Variants in SEC16B observed in about 807,000 individuals in gnomAD.
SEC16B encodes the protein SEC16 homolog B, endoplasmic reticulum export factor, also known as protein transport protein Sec16B.
Under a neutral mutation model 141.8 loss-of-function variants are expected in SEC16B, and 115 were observed. That is an observed-to-expected ratio of 0.81 (90% CI 0.70 to 0.95). The LOEUF is 0.95. SEC16B is among the 40% of genes least tolerant of loss of function. The probability of loss-of-function intolerance (pLI) is 0.00; values close to 1 mark genes in which losing one functional copy is unlikely to be tolerated. For synonymous variants in SEC16B, 493 were observed against 492.5 expected (o/e 1.00, Z -0.01); for missense variants, 1,291 against 1,312.3 (o/e 0.98, Z 0.25).
At chr1:177,938,109 T>C (rs978512290) in intron 18 of SEC16B, among the ~76,000 whole-genome samples, 3 of 152,192 alleles carry the variant, frequency 2.0e-5, no homozygotes, top group African/African-American at 4.8e-5. Flanking sequence ...AGATGAGCAA[T>C]GTTAGAACAA....
At chr1:177,969,852 G>C (rs937426599) in intron 1 of SEC16B, 32 bp downstream of exon 1, 1 of 152,194 alleles carries the variant, frequency 6.6e-6, no homozygotes, top group African/African-American at 2.4e-5. Context: ...AGCTCAAAGA[G>C]GGGAAAGAAG....
chr1:177,942,274 C>T (rs778908722), intron 15 of SEC16B, among the ~76,000 whole-genome samples: 8 of 152,222 alleles, frequency 5.3e-5, no homozygotes, highest in Non-Finnish European at 1.2e-4. Flanking sequence ...GCTCAAACTT[C>T]CTAGGTCCTG....
At chr1:177,952,137 G>A in intron 11 of SEC16B, 142 bp from the exon 12 acceptor site, 2 of 700,612 alleles carry the variant, frequency 2.9e-6, no homozygotes, top group South Asian at 1.7e-5. Flanking sequence ...TTTCTGCTGT[G>A]CCTCTGTCAC....
At chr1:177,942,998 T>C (rs2101924319) in intron 15 of SEC16B, among the ~76,000 whole-genome samples, 1 of 152,324 alleles carries the variant, frequency 6.6e-6, no homozygotes, top group East Asian at 1.9e-4. Context: ...TGAGGGCCGA[T>C]AGCATGTTAC....
At chr1:177,948,612 C>T in intron 12 of SEC16B, 1 of 1,303,612 alleles carries the variant, frequency 7.7e-7, no homozygotes, top group Non-Finnish European at 1.0e-6. Context: ...ATGGTGTTTT[C>T]CCCACAATCT....
intron 9 of SEC16B, 162 bp from the exon 10 acceptor site, chr1:177,958,524 G>C: frequency 3.3e-6 from 2 of 611,076 alleles, no homozygotes; most frequent in Middle Eastern, 4.1e-4. Context: ...TCAGACTTCA[G>C]CATCACTATC....
rs1480666668 is a variant in SEC16B at position 177,937,363 on chromosome 1, G to A, written c.2354C>T (p.Ala785Val). 3 of 1,613,324 alleles carry A rather than the reference G, an allele frequency of 1.9e-6. No individual in the cohort carries two copies. The African/African-American group carries it at 4.0e-5, about 22-fold the overall frequency. Residue 785 changes from alanine (A) to valine (V), a missense_variant, in exon 19 of 26, where the codon GCA (alanine) becomes GTA (valine). Transcript: ENST00000308284. ...PFPLQPGSYP[A>V]GGGAGQTGTP... ...CCCTGTCTGCCCTGCACCCCCTCCT[G>A]CTGGGTAGGAGCCCGGCTGGAGGGG...
At chr1:177,942,847 T>C in intron 15 of SEC16B, among the ~76,000 whole-genome samples, 1 of 152,126 alleles carries the variant, frequency 6.6e-6, no homozygotes, top group Non-Finnish European at 1.5e-5. Context: ...TGTGAAACAT[T>C]GGGCTAGTTA....
chr1:177,957,345 C>T (rs550784179), intron 10 of SEC16B, among the ~76,000 whole-genome samples: 41 of 151,660 alleles, frequency 2.7e-4, no homozygotes, highest in South Asian at 1.5e-3. Context: ...TTTTAAATGG[C>T]GCTATTGGGG....
intron 24 of SEC16B, among the ~76,000 whole-genome samples, chr1:177,931,204 A>T (rs1650386061): frequency 6.6e-6 from 1 of 152,228 alleles, no homozygotes; most frequent in African/African-American, 2.4e-5. Flanking sequence ...GTACATAAAG[A>T]AAATGCGGTA....
chr1:177,955,499 A>T (rs1652528602), intron 10 of SEC16B, among the ~76,000 whole-genome samples: 1 of 152,134 alleles, frequency 6.6e-6, no homozygotes, highest in African/African-American at 2.4e-5. Flanking sequence ...AGGCCATGCC[A>T]TCATGCCTGG....
At chr1:177,962,176 C>A (rs771583313) in intron 5 of SEC16B, among the ~76,000 whole-genome samples, 1 of 152,028 alleles carries the variant, frequency 6.6e-6, no homozygotes. Flanking sequence ...TGGGTTCAAG[C>A]GATTCTTCTG....
chr1:177,981,088 C>G (rs1188149470), intron 1 of SEC16B, among the ~76,000 whole-genome samples: 1 of 151,862 alleles, frequency 6.6e-6, no homozygotes, highest in Non-Finnish European at 1.5e-5. Context: ...ATGTGCAAAC[C>G]CCTGATGTTT....
rs764305463 is a variant in SEC16B at position 177,954,263 on chromosome 1, T to C, written c.1463+16A>G. The C allele has an allele frequency of 9.0e-6, 14 of 1,552,924 alleles. No individual in the cohort carries two copies. The African/African-American group carries it at 1.4e-4, about 15-fold the overall frequency. On this transcript the variant is annotated intron_variant, in intron 11 of 25. Coordinates refer to ENST00000308284, the MANE Select transcript of SEC16B (RefSeq NM_033127.4). ...CTCTCTGCCCCACTGGCCTCTTTTG[T>C]TAAGTCCTGACTCACCCACTCATGA...
Position 177,954,267 on chromosome 1 carries a change from G to C in SEC16B, c.1463+12C>G. The C allele has an allele frequency of 6.4e-7, 1 of 1,555,666 alleles. No individual in the cohort carries two copies. The highest frequency in any genetic ancestry group is 1.9e-5 in the Admixed American group (1 of 51,744). On this transcript the variant is annotated intron_variant, in intron 11 of 25. Transcript: ENST00000308284. ...CTGCCCCACTGGCCTCTTTTGTTAA[G>C]TCCTGACTCACCCACTCATGACCCA...
At position 177,929,570 on chromosome 1, in the gene SEC16B, CCAT is replaced by C. The variant is rs1650261551; in HGVS notation, c.*285_*287del. 2.5e-6 allele frequency: 1 copy of C among 401,412 alleles called. No individual in the cohort carries two copies. 24.9% of individuals were successfully genotyped at this position (401,412 alleles called of 1,614,324 possible). A position where few individuals can be genotyped will look rare whatever the true frequency, so the allele number is the denominator to read the frequency against. On this transcript the variant is annotated 3_prime_UTR_variant, in exon 26 of 26. Coordinates refer to ENST00000308284, the MANE Select transcript of SEC16B (RefSeq NM_033127.4). ...TTTCCCCAAGGCTCTCAAGCCACCA[CCAT>C]AAGTGCCACCACCATGTCACTCTGC... is the stretch of plus-strand genomic sequence containing the variant.
chr1:177,975,167 A>C (rs959733230), upstream of SEC16B, among the ~76,000 whole-genome samples: 1 of 152,198 alleles, frequency 6.6e-6, no homozygotes, highest in African/African-American at 2.4e-5. Context: ...CAGAGTAACA[A>C]GTGGGCTGGA....
chr1:177,933,857 C>T (rs1204158543), intron 20 of SEC16B, among the ~76,000 whole-genome samples: 1 of 152,068 alleles, frequency 6.6e-6, no homozygotes, highest in Non-Finnish European at 1.5e-5. Flanking sequence ...ATTCTACAGA[C>T]CTTTGTCTGG....
intron 8 of SEC16B, 126 bp downstream of exon 8, chr1:177,960,216 C>A: frequency 1.5e-6 from 1 of 688,804 alleles, no homozygotes; most frequent in Non-Finnish European, 2.6e-6. Context: ...ACAGAGAATT[C>A]CACTCCAACA....
Sources: allele counts gnomAD v4.1 joint callset (sites outside exome capture counted in the v4.1 genomes callset), GRCh38; gene constraint gnomAD v4.1.1; transcripts MANE v1.5; gene names NCBI Gene and HGNC (gene_info 2026-07-23, HGNC 2026-07-21).